The following C10orf90 variants were observed in gnomAD, a reference collection of about 807,000 sequenced individuals.
C10orf90 encodes (E2-independent) E3 ubiquitin-conjugating enzyme FATS.
C10orf90 carries 56 observed loss-of-function variants against 62.5 expected under a neutral mutation model. The ratio of observed to expected loss-of-function variants is 0.90; its 90% CI spans 0.72 to 1.12. The LOEUF is 1.12. Ranked by LOEUF, C10orf90 falls within the 50% of genes most tolerant of loss-of-function variation. The pLI is 0.00. For synonymous variants in C10orf90, 386 were observed against 340.4 expected, an observed-to-expected ratio of 1.13 and a Z score of -1.47; for missense variants, 970 against 880.4, an observed-to-expected ratio of 1.10 and a Z score of -1.29.
chr10:126,489,807 C>G (rs1861620609), intron 4 of C10orf90, among the ~76,000 whole-genome samples: 1 of 150,404 alleles, frequency 6.6e-6, no homozygotes, highest in Admixed American at 6.7e-5. Flanking sequence ...ATTATTCATA[C>G]TAGTCAAAAG....
intron 1 of C10orf90, among the ~76,000 whole-genome samples, chr10:126,655,834 CAAAACAA>C (rs1240152044): frequency 9.5e-5 from 12 of 126,552 alleles, no homozygotes; most frequent in Non-Finnish European, 1.8e-4. Context: ...CAAAACAAAA[CAAAACAA>C]AAAAAAAAAA....
chr10:126,429,726 G>T, intron 8 of C10orf90, 61 bp downstream of exon 8: 2 of 1,409,850 alleles, frequency 1.4e-6, no homozygotes, highest in Non-Finnish European at 2.0e-6. Flanking sequence ...GGCACCTGAA[G>T]CCATCAAACC....
chr10:126,610,146 T>A (rs910032169), intron 2 of C10orf90, among the ~76,000 whole-genome samples: 4 of 152,220 alleles, frequency 2.6e-5, no homozygotes, highest in African/African-American at 9.6e-5. Flanking sequence ...CAGGCTGACC[T>A]GCATGGACCA....
rs186180615 is a variant in C10orf90, at chr10:126,521,412, G to A, written c.314-7473C>T. Reference sequence around the variant, plus strand: ...GGCGACATGAAAGAAAAAAATGTCCGGAGTTTACCTCTGTGGCTAGGCTCA... The same window carrying A: ...GGCGACATGAAAGAAAAAAATGTCCAGAGTTTACCTCTGTGGCTAGGCTCA... On this transcript the variant is annotated intron_variant, in intron 2 of 9. Transcript: ENST00000488181. 5.7e-5 allele frequency: 91 copies of A among 1,596,066 alleles called. No individual in the cohort carries two copies. The African/African-American group carries it at 8.5e-4, about 15-fold the overall frequency.
intron 2 of C10orf90, among the ~76,000 whole-genome samples, chr10:126,604,470 C>T (rs1351392699): frequency 1.3e-5 from 2 of 152,168 alleles, no homozygotes; most frequent in Non-Finnish European, 2.9e-5. Flanking sequence ...AGAGAAATTG[C>T]TTTAGCAAAA....
chr10:126,434,744 G>A (rs1258832597), intron 7 of C10orf90, among the ~76,000 whole-genome samples: 1 of 152,182 alleles, frequency 6.6e-6, no homozygotes. Flanking sequence ...TCACAAGGCT[G>A]TGCATTATGC....
chr10:126,574,475 A>T (rs1844570990), intron 2 of C10orf90, among the ~76,000 whole-genome samples: 1 of 152,134 alleles, frequency 6.6e-6, no homozygotes, highest in Non-Finnish European at 1.5e-5. Context: ...AAGATGGAAA[A>T]ATTAGAGATC....
chr10:126,602,554 A>G (rs1845218284), intron 2 of C10orf90, among the ~76,000 whole-genome samples: 1 of 152,100 alleles, frequency 6.6e-6, no homozygotes, highest in Admixed American at 6.5e-5. Flanking sequence ...GGAGCACACA[A>G]CCCTTTAAAG....
chr10:126,478,035 A>T (rs1178585349), intron 4 of C10orf90, among the ~76,000 whole-genome samples: 1 of 152,202 alleles, frequency 6.6e-6, no homozygotes, highest in Non-Finnish European at 1.5e-5. Flanking sequence ...GGTTTGTGAC[A>T]TGGCATCGTT....
intron 2 of C10orf90, among the ~76,000 whole-genome samples, chr10:126,593,360 AAAG>A (rs1010333792): frequency 1.6e-4 from 24 of 152,366 alleles, no homozygotes; most frequent in African/African-American, 5.8e-4. Context: ...GCAGCCATAA[AAAG>A]AAACAAAATC....
intron 2 of C10orf90, among the ~76,000 whole-genome samples, chr10:126,585,355 G>A (rs1006132598): frequency 2.7e-5 from 4 of 146,256 alleles, no homozygotes; most frequent in Admixed American, 7.0e-5. Flanking sequence ...GGCAGGGAGC[G>A]AGGGGGGGAA....
intron 2 of C10orf90, among the ~76,000 whole-genome samples, chr10:126,612,670 T>C (rs929553262): frequency 1.3e-5 from 2 of 152,200 alleles, no homozygotes; most frequent in African/African-American, 2.4e-5. Flanking sequence ...TGTTTTCCAA[T>C]CAGTTCAAGA....
chr10:126,507,492 CT>C lies in C10orf90; in HGVS notation c.406-2408del, dbSNP rs1338660936. 1.6e-3 allele frequency among the ~76,000 whole-genome samples: 231 copies of C among 142,484 alleles called. 1 individual carries two copies. The highest frequency in any genetic ancestry group is 5.7e-3 in the African/African-American group (218 of 38,136). 93.5% of individuals were successfully genotyped at this position (142,484 alleles called of 152,430 possible). On this transcript the variant is annotated intron_variant, in intron 3 of 9. Coordinates refer to ENST00000488181, the MANE Select transcript of C10orf90 (RefSeq NM_001350921.2). Reference sequence around the variant, plus strand: ...AAATAAATCAAAATATCCATGGCTACTTTTTTCCAAAAAAAAAAAAAAAGGT... The same window carrying C: ...AAATAAATCAAAATATCCATGGCTACTTTTTCCAAAAAAAAAAAAAAAGGT...
intron 1 of C10orf90, among the ~76,000 whole-genome samples, chr10:126,659,169 C>T (rs527690748): frequency 1.2e-4 from 19 of 152,324 alleles, no homozygotes; most frequent in Non-Finnish European, 1.2e-4. Context: ...GTCCCTTTCA[C>T]ACAGCTGACC....
chr10:126,444,640 C>G (rs1222237120), intron 7 of C10orf90, among the ~76,000 whole-genome samples: 6 of 151,950 alleles, frequency 3.9e-5, no homozygotes, highest in Non-Finnish European at 7.4e-5. Flanking sequence ...CAAAATACCA[C>G]CATCATTCTT....
At chr10:126,454,272 A>G (rs1037942239) in intron 7 of C10orf90, among the ~76,000 whole-genome samples, 16 of 150,728 alleles carry the variant, frequency 1.1e-4, no homozygotes, top group Non-Finnish European at 3.0e-5. Flanking sequence ...ATGTATCCCT[A>G]TGACTTGCAA....
chr10:126,444,437 G>C (rs1396326666), intron 7 of C10orf90, among the ~76,000 whole-genome samples: 2 of 151,674 alleles, frequency 1.3e-5, no homozygotes, highest in South Asian at 2.1e-4. Flanking sequence ...TGCAAAAGAA[G>C]TAAAATACTT....
rs1392888840 is a variant in C10orf90 at position 126,456,380 on chromosome 10, T to A, written c.2188+2660A>T. On this transcript the variant is annotated intron_variant, in intron 7 of 9. Coordinates refer to ENST00000488181, the MANE Select transcript of C10orf90 (RefSeq NM_001350921.2). This position sits in a 1 kb window ranked among gnomAD's most constrained non-coding sequence, Gnocchi z 4.9. ...AAACCCACGTTGGCCAAGTCCCACT[T>A]TGAGAGCATGCTGCTTGCCAGGACT... Among the ~76,000 whole-genome samples the A allele has an allele frequency of 6.6e-6, 1 of 152,140 alleles. No homozygotes were observed. The highest frequency in any genetic ancestry group is 1.5e-5 in the Non-Finnish European group (1 of 68,024).
intron 4 of C10orf90, among the ~76,000 whole-genome samples, chr10:126,496,301 C>T (rs1278087649): frequency 6.6e-6 from 1 of 152,178 alleles, no homozygotes; most frequent in East Asian, 1.9e-4. Context: ...ACGAAGCTAG[C>T]CGGGATGGCT....
Sources: gnomAD v4.1 joint callset for allele counts (sites outside exome capture counted in the v4.1 genomes callset) on GRCh38, gnomAD v4.1.1 for gene constraint, Gnocchi (gnomAD v3.1) non-coding constraint, MANE v1.5 for transcripts, NCBI Gene and HGNC (gene_info 2026-07-23, HGNC 2026-07-21) for gene names.